The following PPP2R5A variants were observed in gnomAD, a reference collection of about 807,000 sequenced individuals.
The protein encoded by PPP2R5A is serine/threonine-protein phosphatase 2A 56 kDa regulatory subunit alpha isoform.
A neutral mutation model predicts 64.2 loss-of-function variants in PPP2R5A; 25 were observed. The observed-to-expected ratio is 0.39, with a 90% CI of 0.28 to 0.54. The LOEUF is 0.54. Among genes scored for constraint, PPP2R5A ranks in the 20% least tolerant of loss-of-function variants. The pLI is 0.67. For synonymous variants in PPP2R5A, 198 were observed against 201.2 expected, an observed-to-expected ratio of 0.98 and a Z score of 0.13; for missense variants, 425 against 576.3, an observed-to-expected ratio of 0.74 and a Z score of 2.69.
chr1:212,344,780 AATATAGGAGT>A (rs1296399085), intron 4 of PPP2R5A, among the ~76,000 whole-genome samples: 6 of 152,232 alleles, frequency 3.9e-5, no homozygotes, highest in African/African-American at 1.2e-4. Flanking sequence ...AGTTGTGCAG[AATATAGGAGT>A]ACACTGATTG....
At position 212,333,515 on chromosome 1, in the gene PPP2R5A, C is replaced by A; in HGVS notation, c.397C>A (p.Arg133Ser). 1.3e-6 allele frequency: 2 copies of A among 1,594,530 alleles called. No individual in the cohort carries two copies. The highest frequency in any genetic ancestry group is 1.7e-6 in the Non-Finnish European group (2 of 1,168,196). ...TTTACAGATCAGTGCTAACATCTTC[C>A]GTACACTTCCTCCAAGTGATAATCC... ...IVKMISANIF[R>S]TLPPSDNPDF... Residue 133 changes from arginine (R) to serine (S), a missense_variant, in exon 3 of 13, where the codon CGT becomes AGT. Physicochemically the swap from Arg to Ser is moderately radical, Grantham distance 110 (BLOSUM62 -1). Around this residue, in one of 4 missense-constraint regions of PPP2R5A, gnomAD observed 140 missense variants for 204.4 expected, o/e 0.68. Coordinates refer to ENST00000261461, the MANE Select transcript of PPP2R5A (RefSeq NM_006243.4).
intron 3 of PPP2R5A, among the ~76,000 whole-genome samples, chr1:212,334,454 C>T (rs1336521199): frequency 6.6e-6 from 1 of 152,070 alleles, no homozygotes; most frequent in African/African-American, 2.4e-5. Flanking sequence ...GACACTACAC[C>T]TGCTAATTTT....
chr1:212,287,340 A>C (rs1010531091), intron 1 of PPP2R5A, among the ~76,000 whole-genome samples: 2 of 152,210 alleles, frequency 1.3e-5, no homozygotes, highest in Non-Finnish European at 2.9e-5. Flanking sequence ...CTATCATCTG[A>C]TGTTCAGATT....
intron 3 of PPP2R5A, among the ~76,000 whole-genome samples, chr1:212,341,866 T>C (rs1659691580): frequency 1.3e-5 from 2 of 152,146 alleles, no homozygotes; most frequent in African/African-American, 2.4e-5. Context: ...AGCCTCCCAG[T>C]AGCTGGGACA....
intron 1 of PPP2R5A, among the ~76,000 whole-genome samples, chr1:212,322,316 A>T (rs1659321777): frequency 6.7e-6 from 1 of 149,382 alleles, no homozygotes; most frequent in African/African-American, 2.5e-5. Context: ...ATTGTTACTC[A>T]TGTTTATAAA....
rs76308830 is a variant in PPP2R5A at position 212,316,451 on chromosome 1, C to T, written c.182-12684C>T. 6.9e-3 allele frequency among the ~76,000 whole-genome samples: 1,053 copies of T among 152,206 alleles called. 18 individuals are homozygous for T. Among genetic ancestry groups the T allele is most frequent in the African/African-American group, 0.024 (983 of 41,516 alleles). ...CATGTCTAAAAATGCCCTTCCTGAACCTCTGTACTTAATTGATAGTTGACT... is the reference window on the plus strand; with the variant it reads ...CATGTCTAAAAATGCCCTTCCTGAATCTCTGTACTTAATTGATAGTTGACT... On this transcript the variant is annotated intron_variant, in intron 1 of 12. Coordinates refer to ENST00000261461, the MANE Select transcript of PPP2R5A (RefSeq NM_006243.4).
intron 1 of PPP2R5A, among the ~76,000 whole-genome samples, chr1:212,323,296 ATC>A (rs1390859522): frequency 1.3e-5 from 2 of 152,210 alleles, no homozygotes; most frequent in Admixed American, 6.5e-5. Context: ...ACAGGAAATC[ATC>A]TCTCAGAATT....
rs1427739825 is a variant in PPP2R5A, at chr1:212,299,052, C to A, written c.181+12761C>A. 8.3e-5 allele frequency among the ~76,000 whole-genome samples: 2 copies of A among 24,224 alleles called. 1 individual carries two copies. Among genetic ancestry groups the A allele is most frequent in the Admixed American group, 5.9e-4 (2 of 3,362 alleles). 15.9% of individuals were successfully genotyped at this position (24,224 alleles called of 152,430 possible). On this transcript the variant is annotated intron_variant, in intron 1 of 12. Coordinates refer to ENST00000261461, the MANE Select transcript of PPP2R5A (RefSeq NM_006243.4). The stretch of plus-strand genomic sequence containing the variant: ...GGCCGGGGCGGCTGGCCGACACCCC[C>A]CCCCCCCGCCTCCCTCCCGGACGGG...
intron 1 of PPP2R5A, among the ~76,000 whole-genome samples, chr1:212,328,192 G>C (rs1659439954): frequency 6.6e-6 from 1 of 152,160 alleles, no homozygotes; most frequent in African/African-American, 2.4e-5. Flanking sequence ...TACTATAACA[G>C]AGATATGCAC....
intron 1 of PPP2R5A, among the ~76,000 whole-genome samples, chr1:212,305,682 C>T (rs1168758567): frequency 6.6e-6 from 1 of 152,038 alleles, no homozygotes; most frequent in South Asian, 2.1e-4. Flanking sequence ...TTTTCTATTT[C>T]TCTCTTTGTT....
At chr1:212,347,225 C>G in intron 5 of PPP2R5A, 122 bp from the exon 6 acceptor site, 2 of 703,320 alleles carry the variant, frequency 2.8e-6, no homozygotes, top group Admixed American at 3.1e-5. Context: ...TTATAAGACC[C>G]AAAACATGCT....
At position 212,353,759 on chromosome 1, in the gene PPP2R5A, T is replaced by C. The variant is rs568003600; in HGVS notation, c.928-2867T>C. Among the ~76,000 whole-genome samples, 15 of 152,328 alleles carry C rather than the reference T, an allele frequency of 9.8e-5. No individual in the cohort carries two copies. The East Asian group carries it at 2.9e-3, about 29-fold the overall frequency. On this transcript the variant is annotated intron_variant, in intron 8 of 12. Transcript: ENST00000261461. The stretch of plus-strand genomic sequence containing the variant: ...AATAAATGTTTCTAGTTCCAAAAAA[T>C]AATTCAATTGGCATTTGATTGAAAT...
At chr1:212,315,696 ATACAAG>A (rs961381022) in intron 1 of PPP2R5A, among the ~76,000 whole-genome samples, 23 of 152,244 alleles carry the variant, frequency 1.5e-4, no homozygotes, top group Non-Finnish European at 1.3e-4. Flanking sequence ...TGAAGTATAC[ATACAAG>A]TACATCTCAT....
intron 1 of PPP2R5A, among the ~76,000 whole-genome samples, chr1:212,328,493 TGA>T (rs1013334550): frequency 8.5e-5 from 13 of 152,164 alleles, no homozygotes; most frequent in African/African-American, 3.1e-4. Flanking sequence ...TGGAAAGGGT[TGA>T]GAGATGACTC....
At chr1:212,290,893 T>A (rs1658589720) in intron 1 of PPP2R5A, among the ~76,000 whole-genome samples, 1 of 152,220 alleles carries the variant, frequency 6.6e-6, no homozygotes, top group African/African-American at 2.4e-5. Context: ...ATTTTTCTCT[T>A]GATAAAATAA....
At chr1:212,310,837 A>G (rs973349957) in intron 1 of PPP2R5A, among the ~76,000 whole-genome samples, 1 of 152,184 alleles carries the variant, frequency 6.6e-6, no homozygotes, top group Non-Finnish European at 1.5e-5. Flanking sequence ...GTTGCTGTGG[A>G]AAGGATGAGA....
chr1:212,340,553 G>A (rs997103431), intron 3 of PPP2R5A, among the ~76,000 whole-genome samples: 10 of 152,264 alleles, frequency 6.6e-5, no homozygotes, highest in Admixed American at 1.3e-4. Context: ...CTTTTTGCAC[G>A]TGTATACCCC....
intron 9 of PPP2R5A, 91 bp from the exon 10 acceptor site, chr1:212,356,859 A>G (rs1412929984): frequency 2.4e-5 from 32 of 1,314,782 alleles, no homozygotes; most frequent in South Asian, 2.4e-4. Flanking sequence ...CTTATTGTAT[A>G]CTATGCAGAT....
At chr1:212,335,139 C>CA (rs1659570990) in intron 3 of PPP2R5A, among the ~76,000 whole-genome samples, 1 of 151,640 alleles carries the variant, frequency 6.6e-6, no homozygotes, top group Admixed American at 6.6e-5. Context: ...TTTAATTTTG[C>CA]AAGTTTTTAT....
Sources: allele counts gnomAD v4.1 joint callset (sites outside exome capture counted in the v4.1 genomes callset), GRCh38; gene constraint gnomAD v4.1.1; regional missense constraint gnomAD v4.1.1; transcripts MANE v1.5; gene names NCBI Gene and HGNC (gene_info 2026-07-23, HGNC 2026-07-21).